The following COBL variants were observed in gnomAD, a reference collection of about 807,000 sequenced individuals.
COBL encodes protein cordon-bleu.
Under a neutral mutation model 98.8 loss-of-function variants are expected in COBL, and 51 were observed. The observed-to-expected ratio is 0.52, with a 90% CI of 0.41 to 0.65. The LOEUF (loss-of-function observed/expected upper bound fraction) is 0.65. COBL is among the 30% of genes least tolerant of loss of function. COBL has a pLI of 0.00. For synonymous variants in COBL, 634 were observed against 651.7 expected, an observed-to-expected ratio of 0.97 and a Z score of 0.41; for missense variants, 1,617 against 1,617.5, an observed-to-expected ratio of 1.00 and a Z score of 0.01.
At chr7:51,284,405 C>T (rs1387238194) in intron 1 of COBL, among the ~76,000 whole-genome samples, 1 of 151,926 alleles carries the variant, frequency 6.6e-6, no homozygotes, top group Non-Finnish European at 1.5e-5. Context: ...ATTCACCATA[C>T]TGACAGTTTA....
At position 51,029,268 on chromosome 7, in the gene COBL, C is replaced by T. The variant is rs756820770; in HGVS notation, c.1828G>A (p.Gly610Arg). ...LHPASHDVGK[G>R]IRVALSNISK... Reference sequence around the variant, plus strand: ...ATGTTAGATAAGGCCACACGGATTCCTTTTCCGACGTCATGGGAAGCGGGG... The same window carrying T: ...ATGTTAGATAAGGCCACACGGATTCTTTTTCCGACGTCATGGGAAGCGGGG... The change falls in exon 10 of 13, where the codon GGA (glycine) becomes AGA (arginine). Residue 610 changes from glycine (G) to arginine (R), a missense_variant. By Grantham distance (125) the Gly-to-Arg change is moderately radical. Around this residue, in one of 3 missense-constraint regions of COBL, gnomAD observed 1,304 missense variants for 1,282.0 expected, o/e 1.02. Coordinates refer to ENST00000265136, the MANE Select transcript of COBL (RefSeq NM_015198.5). The T allele has an allele frequency of 4.7e-5, 76 of 1,609,642 alleles. No individual in the cohort carries two copies. The East Asian group carries it at 1.5e-3, about 33-fold the overall frequency.
chr7:51,075,365 G>C (rs1269561690), intron 7 of COBL, among the ~76,000 whole-genome samples: 1 of 152,114 alleles, frequency 6.6e-6, no homozygotes, highest in Non-Finnish European at 1.5e-5. Flanking sequence ...ACTGAATGCG[G>C]TGCTGTGAAG....
rs1003533338 is a variant in COBL, at chr7:51,213,605, C to T, written c.245+6136G>A. 2.6e-5 allele frequency among the ~76,000 whole-genome samples: 4 copies of T among 152,232 alleles called. No homozygotes were observed. In the East Asian group the frequency reaches 7.7e-4, roughly 29 times the overall value. On this transcript the variant is annotated intron_variant, in intron 2 of 12. Transcript: ENST00000265136. The stretch of plus-strand genomic sequence containing the variant: ...AAGGGTCAGTGTGGAGACAGGTGAC[C>T]TGAGGAAGCCCAGAACCAGGGAAGT...
intron 5 of COBL, among the ~76,000 whole-genome samples, chr7:51,175,238 C>T (rs924427691): frequency 1.8e-4 from 28 of 152,210 alleles, no homozygotes; most frequent in African/African-American, 6.0e-4. Context: ...TTACATAGCA[C>T]GCTTTTAAAA....
Position 51,262,991 on chromosome 7 carries a change from G to A in COBL, c.42-43047C>T, listed in dbSNP as rs935600152. On this transcript the variant is annotated intron_variant, in intron 1 of 12. Transcript: ENST00000265136. ...AGGTAAGCTGGGCAAGGTGAGGCAC[G>A]GACGAGCCTCGTCTCCACACCAGGG... Among the ~76,000 whole-genome samples, 4 of 152,164 alleles carry A rather than the reference G, an allele frequency of 2.6e-5. No individual in the cohort carries two copies. The East Asian group carries it at 5.8e-4, about 22-fold the overall frequency.
intron 5 of COBL, chr7:51,172,676 G>A: frequency 3.2e-6 from 1 of 316,868 alleles, no homozygotes; most frequent in South Asian, 4.1e-5. Flanking sequence ...TACCACTTCT[G>A]CCAGTTTATG....
At chr7:51,184,320 G>A in intron 4 of COBL, 121 bp from the exon 5 acceptor site, 1 of 577,262 alleles carries the variant, frequency 1.7e-6, no homozygotes, top group South Asian at 2.5e-5. Context: ...GTAAGAGAGG[G>A]AAAGCCATCA....
intron 5 of COBL, among the ~76,000 whole-genome samples, chr7:51,136,936 C>A (rs1193119247): frequency 6.6e-6 from 1 of 152,218 alleles, no homozygotes; most frequent in Non-Finnish European, 1.5e-5. Context: ...AGCCAACACA[C>A]TAATTGCTCT....
intron 5 of COBL, among the ~76,000 whole-genome samples, chr7:51,165,631 C>T (rs1173707105): frequency 2.0e-5 from 2 of 102,446 alleles, no homozygotes; most frequent in Non-Finnish European, 4.4e-5. Flanking sequence ...TAGATATGTA[C>T]AGAATATTTC....
chr7:51,219,703 G>C (rs975809672), intron 2 of COBL, 38 bp downstream of exon 2: 1 of 1,595,884 alleles, frequency 6.3e-7, no homozygotes, highest in Non-Finnish European at 8.6e-7. Context: ...TACTCGCAAA[G>C]TGAGTACAGC....
intron 1 of COBL, among the ~76,000 whole-genome samples, chr7:51,245,580 AT>A (rs1428096899): frequency 6.6e-6 from 1 of 152,248 alleles, no homozygotes; most frequent in African/African-American, 2.4e-5. Flanking sequence ...GAAATGATAT[AT>A]AAAAATATAT....
chr7:51,243,198 C>T lies in COBL; in HGVS notation c.42-23254G>A, dbSNP rs74978989. 9.1e-3 allele frequency among the ~76,000 whole-genome samples: 1,385 copies of T among 152,338 alleles called. 14 individuals carry two copies. The highest frequency in any genetic ancestry group is 0.014 in the Non-Finnish European group (954 of 68,030). On this transcript the variant is annotated intron_variant, in intron 1 of 12. Coordinates refer to ENST00000265136, the MANE Select transcript of COBL (RefSeq NM_015198.5). ...GCTGAGGTGGGGGCTATTCTGGACGCTATTCCATGAAGCTGAAAAGATGTT... is the reference window on the plus strand; with the variant it reads ...GCTGAGGTGGGGGCTATTCTGGACGTTATTCCATGAAGCTGAAAAGATGTT...
intron 6 of COBL, among the ~76,000 whole-genome samples, chr7:51,112,754 G>A (rs75822662): frequency 0.031 from 4,717 of 152,216 alleles, 177 homozygotes; most frequent in Admixed American, 0.097. Flanking sequence ...CTGGTGCCTA[G>A]GGCTTAGGTC....
At chr7:51,187,470 T>C (rs1407769199) in intron 4 of COBL, among the ~76,000 whole-genome samples, 1 of 152,154 alleles carries the variant, frequency 6.6e-6, no homozygotes, top group African/African-American at 2.4e-5. Context: ...ATCATTTGCA[T>C]ACTTGTCTAT....
chr7:51,257,165 C>G (rs904015681), intron 1 of COBL, among the ~76,000 whole-genome samples: 4 of 152,098 alleles, frequency 2.6e-5, no homozygotes, highest in African/African-American at 9.7e-5. Context: ...GAAGACAGAT[C>G]CAGAGAACCA....
intron 1 of COBL, among the ~76,000 whole-genome samples, chr7:51,258,596 A>C (rs1235299710): frequency 6.6e-6 from 1 of 152,236 alleles, no homozygotes; most frequent in Non-Finnish European, 1.5e-5. Flanking sequence ...ATAAAGCAGG[A>C]AATAATCTTC....
chr7:51,022,433 C>T (rs1047514679), intron 12 of COBL, among the ~76,000 whole-genome samples: 1 of 152,244 alleles, frequency 6.6e-6, no homozygotes, highest in African/African-American at 2.4e-5. Flanking sequence ...ACCTTTCCTC[C>T]AAGCATGCCT....
rs770012999 is a variant in COBL at position 51,043,712 on chromosome 7, G to C, written c.1097-20C>G. 1 of 1,603,952 alleles carries C rather than the reference G, an allele frequency of 6.2e-7. No individual in the cohort carries two copies. Among genetic ancestry groups the C allele is most frequent in the African/African-American group, 1.3e-5 (1 of 74,852 alleles). ...GGCTTACTGGACAAGACACGGCAAG[G>C]ACAGGTCAGCCCAAACCACTCTGGC... is the stretch of plus-strand genomic sequence containing the variant. On this transcript the variant is annotated intron_variant, in intron 7 of 12. Transcript: ENST00000265136.
chr7:51,310,951 C>T (rs1426786111), intron 1 of COBL, among the ~76,000 whole-genome samples: 2 of 151,902 alleles, frequency 1.3e-5, no homozygotes, highest in African/African-American at 2.4e-5. Context: ...CCACTGAGCC[C>T]GGCCGGTTGT....
Sources: allele counts gnomAD v4.1 joint callset (sites outside exome capture counted in the v4.1 genomes callset), GRCh38; gene constraint gnomAD v4.1.1; regional missense constraint gnomAD v4.1.1; transcripts MANE v1.5; gene names NCBI Gene and HGNC (gene_info 2026-07-23, HGNC 2026-07-21).